Variants in PDE8B observed in about 807,000 individuals in gnomAD.
PDE8B encodes the protein high affinity cAMP-specific and IBMX-insensitive 3',5'-cyclic phosphodiesterase 8B.
A neutral mutation model predicts 101.3 loss-of-function variants in PDE8B; 26 were observed. The observed-to-expected ratio is 0.26, with a 90% CI of 0.19 to 0.36. The LOEUF is 0.36. Among genes scored for constraint, PDE8B ranks in the 10% least tolerant of loss-of-function variants. The pLI, the probability that PDE8B is intolerant of heterozygous loss-of-function variation, is 1.00. For missense variants in PDE8B, 810 were observed against 1,163.1 expected (o/e 0.70, Z 4.42); for synonymous variants, 424 against 429.3 (o/e 0.99, Z 0.15).
At chr5:77,233,438 T>C (rs1467385393) in intron 1 of PDE8B, among the ~76,000 whole-genome samples, 1 of 152,166 alleles carries the variant, frequency 6.6e-6, no homozygotes, top group Non-Finnish European at 1.5e-5. Flanking sequence ...ACCTGCTCTT[T>C]TGTTTATTGA....
chr5:77,426,857 C>T lies in PDE8B; in HGVS notation c.*303C>T, dbSNP rs1294087281. 1 of 369,446 alleles carries T rather than the reference C, an allele frequency of 2.7e-6. No homozygotes were observed. The highest frequency in any genetic ancestry group is 2.1e-5 in the African/African-American group (1 of 47,648). 22.9% of individuals were successfully genotyped at this position (369,446 alleles called of 1,614,324 possible). A position where few individuals can be genotyped will look rare whatever the true frequency, so the allele number is the denominator to read the frequency against. On this transcript the variant is annotated 3_prime_UTR_variant, in exon 22 of 22. Transcript: ENST00000264917. The stretch of plus-strand genomic sequence containing the variant: ...GAGCTGGTTCACTGTAACTAGCAGG[C>T]CACAGGAAGCAAAGCCTTGGTGCCT...
intron 10 of PDE8B, among the ~76,000 whole-genome samples, chr5:77,384,751 TTC>T (rs1458330103): frequency 5.9e-5 from 9 of 152,198 alleles, no homozygotes; most frequent in African/African-American, 2.2e-4. Flanking sequence ...TTGTCATTGT[TTC>T]TGTTTATGTG....
chr5:77,409,131 G>GCAACCACAGGTAACAGT, intron 14 of PDE8B, 74 bp downstream of exon 14: 1 of 1,270,722 alleles, frequency 7.9e-7, no homozygotes, highest in Non-Finnish European at 1.1e-6. Flanking sequence ...TGTGGAAACT[G>GCAACCACAGGTAACAGT]TTACCTGTGG....
chr5:77,199,250 A>G, the PDE8B span, among the ~76,000 whole-genome samples: 1 of 152,230 alleles, frequency 6.6e-6, no homozygotes, highest in East Asian at 1.9e-4. Flanking sequence ...AATTCATGCC[A>G]TCTGAATCGT....
intron 10 of PDE8B, among the ~76,000 whole-genome samples, chr5:77,377,787 G>A (rs943922371): frequency 4.6e-5 from 7 of 152,156 alleles, no homozygotes; most frequent in African/African-American, 9.7e-5. Context: ...CAGTGGAAGT[G>A]CAAATTTGCC....
At chr5:77,411,208 C>T (rs1257229390) in intron 14 of PDE8B, 2 of 159,026 alleles carry the variant, frequency 1.3e-5, no homozygotes, top group East Asian at 3.6e-4. Context: ...AAAAATAGCT[C>T]AATCTTTTTA....
chr5:77,108,174 T>C, the PDE8B span, among the ~76,000 whole-genome samples: 1 of 152,230 alleles, frequency 6.6e-6, no homozygotes, highest in Admixed American at 6.5e-5. Flanking sequence ...TTGGAGTTTT[T>C]GGTTTTGTGT....
chr5:77,400,857 C>T (rs1410472738), intron 11 of PDE8B, among the ~76,000 whole-genome samples: 1 of 139,028 alleles, frequency 7.2e-6, no homozygotes, highest in South Asian at 2.5e-4. Context: ...GTCTGGAATT[C>T]TCTGACCATT....
At chr5:77,122,703 C>T in the PDE8B span, among the ~76,000 whole-genome samples, 1 of 152,174 alleles carries the variant, frequency 6.6e-6, no homozygotes, top group Admixed American at 6.5e-5. Context: ...ACCAACAGGT[C>T]GTTCTACCTG....
chr5:77,236,477 A>G (rs1754717229), intron 1 of PDE8B, among the ~76,000 whole-genome samples: 1 of 152,222 alleles, frequency 6.6e-6, no homozygotes, highest in African/African-American at 2.4e-5. Context: ...TAGGAGGAAG[A>G]AGTGTAGTGA....
intron 1 of PDE8B, among the ~76,000 whole-genome samples, chr5:77,266,616 AAGTATTGATCAGTTG>A (rs565121932): frequency 2.6e-5 from 4 of 152,316 alleles, no homozygotes; most frequent in African/African-American, 9.6e-5. Context: ...GAGCACAGTT[AAGTATTGATCAGTTG>A]AAGAGAATAC....
the PDE8B span, among the ~76,000 whole-genome samples, chr5:77,121,391 A>G: frequency 6.6e-6 from 1 of 152,176 alleles, no homozygotes; most frequent in Non-Finnish European, 1.5e-5. Flanking sequence ...GGAAAAAGTC[A>G]CAATGTCTTT....
At chr5:77,187,722 C>T in the PDE8B span, among the ~76,000 whole-genome samples, 1 of 152,206 alleles carries the variant, frequency 6.6e-6, no homozygotes, top group East Asian at 1.9e-4. Flanking sequence ...TTCCCTGACC[C>T]TGGTGTTGTC....
the PDE8B span, among the ~76,000 whole-genome samples, chr5:77,129,566 C>T: frequency 1.3e-5 from 2 of 152,162 alleles, no homozygotes; most frequent in African/African-American, 2.4e-5. Flanking sequence ...GTATCAGGGC[C>T]GGGGCCAGGC....
chr5:77,267,208 G>C (rs1761900554), intron 1 of PDE8B, among the ~76,000 whole-genome samples: 1 of 152,134 alleles, frequency 6.6e-6, no homozygotes, highest in African/African-American at 2.4e-5. Flanking sequence ...GGGAGGCCAA[G>C]GTGGGTGGAT....
At chr5:77,131,833 G>A in the PDE8B span, among the ~76,000 whole-genome samples, 1 of 152,092 alleles carries the variant, frequency 6.6e-6, no homozygotes, top group Non-Finnish European at 1.5e-5. Context: ...TATTGATAGG[G>A]CCCCTTTCCA....
At chr5:77,133,398 G>A in the PDE8B span, among the ~76,000 whole-genome samples, 1 of 152,122 alleles carries the variant, frequency 6.6e-6, no homozygotes, top group Non-Finnish European at 1.5e-5. Flanking sequence ...ATAAACGACT[G>A]TTATTTTAAG....
intron 17 of PDE8B, among the ~76,000 whole-genome samples, chr5:77,418,007 G>T (rs913874426): frequency 2.0e-5 from 3 of 152,198 alleles, no homozygotes; most frequent in African/African-American, 7.2e-5. Context: ...TTAAGCGTCT[G>T]CTGTAACTGT....
At chr5:77,377,797 C>T (rs143242306) in intron 10 of PDE8B, among the ~76,000 whole-genome samples, 73 of 152,166 alleles carry the variant, frequency 4.8e-4, no homozygotes, top group African/African-American at 1.6e-3. Flanking sequence ...GCAAATTTGC[C>T]CTTGCTTCTT....
Sources: allele counts gnomAD v4.1 joint callset (sites outside exome capture counted in the v4.1 genomes callset), GRCh38; gene constraint gnomAD v4.1.1; transcripts MANE v1.5; gene names NCBI Gene and HGNC (gene_info 2026-07-23, HGNC 2026-07-21).